MSH3: variants seen among roughly 807,000 people sequenced by gnomAD.
MSH3 encodes the protein DNA mismatch repair protein Msh3.
A neutral mutation model predicts 123.3 loss-of-function variants in MSH3; 106 were observed. The observed-to-expected ratio is 0.86, with a 90% CI of 0.73 to 1.01. MSH3 has a LOEUF of 1.01. Ranked by LOEUF, MSH3 falls within the 50% of genes least tolerant of loss-of-function variation. The pLI, the probability that MSH3 is intolerant of heterozygous loss-of-function variation, is 0.00. For missense variants in MSH3, 1,459 were observed against 1,347.6 expected (o/e 1.08, Z -1.29); for synonymous variants, 515 against 481.4 (o/e 1.07, Z -0.91).
intron 8 of MSH3, among the ~76,000 whole-genome samples, chr5:80,689,927 T>G (rs985913202): frequency 6.6e-6 from 1 of 152,034 alleles, no homozygotes; most frequent in African/African-American, 2.4e-5. Context: ...CGCTCTGCTG[T>G]CCAAGCTGGA....
At chr5:80,684,295 C>T (rs1750036649) in intron 8 of MSH3, among the ~76,000 whole-genome samples, 1 of 151,994 alleles carries the variant, frequency 6.6e-6, no homozygotes, top group South Asian at 2.1e-4. Context: ...TTGAACTATT[C>T]TTCCAATTCA....
chr5:80,826,800 C>T (rs760188492), intron 20 of MSH3, among the ~76,000 whole-genome samples: 4 of 151,444 alleles, frequency 2.6e-5, no homozygotes, highest in East Asian at 1.9e-4. Context: ...CCACCTGCCT[C>T]GGCCTCCAGA....
chr5:80,722,196 A>C (rs1308616274), intron 8 of MSH3, among the ~76,000 whole-genome samples: 1 of 152,242 alleles, frequency 6.6e-6, no homozygotes, highest in African/African-American at 2.4e-5. Context: ...CTCCTTGCTC[A>C]GGAAGGAAAA....
chr5:80,862,136 A>T (rs1169446054), intron 21 of MSH3, among the ~76,000 whole-genome samples: 1 of 152,088 alleles, frequency 6.6e-6, no homozygotes, highest in Non-Finnish European at 1.5e-5. Context: ...ACAGTGTCGG[A>T]TCCCAGACCC....
intron 15 of MSH3, among the ~76,000 whole-genome samples, chr5:80,769,729 A>G (rs1323477885): frequency 6.6e-6 from 1 of 152,150 alleles, no homozygotes; most frequent in East Asian, 1.9e-4. Flanking sequence ...TAGGAAACTT[A>G]TGGTTAACTT....
At chr5:80,768,714 A>T in intron 14 of MSH3, 121 bp from the exon 15 acceptor site, 1 of 846,518 alleles carries the variant, frequency 1.2e-6, no homozygotes, top group Non-Finnish European at 1.9e-6. Flanking sequence ...GCTTAGTGAC[A>T]ATTGGAACCA....
intron 18 of MSH3, among the ~76,000 whole-genome samples, chr5:80,788,823 A>G (rs1275076827): frequency 2.0e-5 from 3 of 151,518 alleles, no homozygotes; most frequent in African/African-American, 4.8e-5. Flanking sequence ...AAAAAGAGAG[A>G]TAGAATTTAA....
chr5:80,805,251 A>G (rs540283943), intron 19 of MSH3, among the ~76,000 whole-genome samples: 1 of 152,344 alleles, frequency 6.6e-6, no homozygotes, highest in South Asian at 2.1e-4. Flanking sequence ...CTGAGACCAA[A>G]ATAGCCAAGA....
intron 19 of MSH3, among the ~76,000 whole-genome samples, chr5:80,812,961 G>T (rs1276973504): frequency 1.3e-5 from 2 of 152,188 alleles, no homozygotes; most frequent in Non-Finnish European, 2.9e-5. Context: ...GCTGTAGTTG[G>T]ACAGTTTCCC....
chr5:80,670,510 G>A (rs1036504606), intron 4 of MSH3, among the ~76,000 whole-genome samples: 1 of 152,046 alleles, frequency 6.6e-6, no homozygotes, highest in Admixed American at 6.6e-5. Context: ...AAAAGTGAGG[G>A]GTCTCTATTG....
intron 8 of MSH3, among the ~76,000 whole-genome samples, chr5:80,684,939 A>C (rs1211924409): frequency 6.6e-6 from 1 of 151,078 alleles, no homozygotes; most frequent in Non-Finnish European, 1.5e-5. Flanking sequence ...TTTTTTCTTC[A>C]TTCTGTTAAT....
intron 21 of MSH3, among the ~76,000 whole-genome samples, chr5:80,863,896 G>A (rs967490809): frequency 3.9e-5 from 6 of 152,066 alleles, no homozygotes; most frequent in African/African-American, 1.4e-4. Flanking sequence ...AGAAGAGGTT[G>A]TAAAATGTTT....
intron 10 of MSH3, among the ~76,000 whole-genome samples, chr5:80,735,462 G>A (rs755807666): frequency 2.0e-5 from 3 of 151,274 alleles, no homozygotes; most frequent in Non-Finnish European, 4.4e-5. Flanking sequence ...CAAGGCCTTC[G>A]GATTGCCTGA....
chr5:80,678,082 A>C (rs1365643790), intron 7 of MSH3, among the ~76,000 whole-genome samples: 1 of 152,160 alleles, frequency 6.6e-6, no homozygotes, highest in African/African-American at 2.4e-5. Context: ...GTGGCTTTCC[A>C]TCAGTAGTAT....
Position 80,656,460 on chromosome 5 carries a change from C to G in MSH3, c.287C>G (p.Pro96Arg), listed in dbSNP as rs373436584. 6.2e-7 allele frequency: 1 copy of G among 1,614,056 alleles called. No homozygotes were observed. Among genetic ancestry groups the G allele is most frequent in the East Asian group, 2.2e-5 (1 of 44,874 alleles). ...AAGAGACCATTGGAAAATGATGGGC[C>G]TGTTAAAAAGAAAGTAAAGAAAGTC... The part of the protein sequence containing the change: ...RKKRPLENDG[P>R]VKKKVKKVQQ... The change falls in exon 2 of 24, where the codon CCT (proline) becomes CGT (arginine). Residue 96 changes from proline to arginine, a missense_variant. Physicochemically the swap from Pro to Arg is moderately radical, Grantham distance 103. Coordinates refer to ENST00000265081, the MANE Select transcript of MSH3 (RefSeq NM_002439.5).
intron 8 of MSH3, among the ~76,000 whole-genome samples, chr5:80,712,358 TC>T (rs1307967889): frequency 6.6e-6 from 1 of 152,240 alleles, no homozygotes; most frequent in Non-Finnish European, 1.5e-5. Context: ...GTAAAGAGTT[TC>T]TTCCATCCTG....
intron 20 of MSH3, among the ~76,000 whole-genome samples, chr5:80,819,921 C>T (rs191369180): frequency 5.9e-5 from 9 of 152,266 alleles, no homozygotes; most frequent in African/African-American, 2.2e-4. Flanking sequence ...ACTGAGTATG[C>T]CAAGAAAGCC....
At chr5:80,722,619 CAG>C (rs1751104402) in intron 8 of MSH3, among the ~76,000 whole-genome samples, 1 of 152,086 alleles carries the variant, frequency 6.6e-6, no homozygotes, top group African/African-American at 2.4e-5. Context: ...AGATAAAGAC[CAG>C]AGAGAGGTAT....
At chr5:80,784,890 A>T (rs947579813) in intron 17 of MSH3, among the ~76,000 whole-genome samples, 1 of 152,244 alleles carries the variant, frequency 6.6e-6, no homozygotes, top group African/African-American at 2.4e-5. Flanking sequence ...TATACAGTAT[A>T]CTGTGAATAT....
Sources: gnomAD v4.1 joint callset for allele counts (sites outside exome capture counted in the v4.1 genomes callset) on GRCh38, gnomAD v4.1.1 for gene constraint, MANE v1.5 for transcripts, NCBI Gene and HGNC (gene_info 2026-07-23, HGNC 2026-07-21) for gene names.